HSPH1: variants seen among roughly 807,000 people sequenced by gnomAD.
HSPH1 encodes heat shock protein 105 kDa.
Under a neutral mutation model 100.0 loss-of-function variants are expected in HSPH1, and 40 were observed. The observed-to-expected ratio is 0.40, with a 90% CI of 0.31 to 0.52. The LOEUF is 0.52. Ranked by LOEUF, HSPH1 falls within the 20% of genes least tolerant of loss-of-function variation. The pLI is 0.54. For synonymous variants in HSPH1, 403 were observed against 344.0 expected (o/e 1.17, Z -1.90); for missense variants, 876 against 1,015.1 (o/e 0.86, Z 1.86).
rs1366063060 is a variant in HSPH1, at chr13:31,161,638, T to TG, written c.-57dup. 3 of 1,600,346 alleles carry TG rather than the reference T, an allele frequency of 1.9e-6. No homozygotes were observed. The highest frequency in any genetic ancestry group is 2.5e-6 in the Non-Finnish European group (3 of 1,177,794). ...TCTCGGTCTGCGTCCTCCGGCCCCC[T>TG]GCCTGCTTCTCCTGCCGCCGCTTTC... On this transcript the variant is annotated 5_prime_UTR_variant, in exon 1 of 18. Transcript: ENST00000320027.
At chr13:31,144,091 T>C (rs1956190579) in intron 11 of HSPH1, among the ~76,000 whole-genome samples, 168 bp from the exon 12 acceptor site, 2 of 152,314 alleles carry the variant, frequency 1.3e-5, no homozygotes, top group East Asian at 1.9e-4. Context: ...AAAACTTCTG[T>C]AGAAATTCTA....
Position 31,150,193 on chromosome 13 carries a change from A to G in HSPH1, c.909-11T>C. On this transcript the variant is annotated splice_polypyrimidine_tract_variant and intron_variant, in intron 7 of 17. Transcript: ENST00000320027. ...TCTTCAAATTGTGACCTTAGCAAAT[A>G]AAAACTTGTTTTTAGAAAAGTTAAG... The G allele has an allele frequency of 6.5e-7, 1 of 1,545,988 alleles. No individual in the cohort carries two copies. Among genetic ancestry groups the G allele is most frequent in the Non-Finnish European group, 8.7e-7 (1 of 1,143,404 alleles).
chr13:31,138,606 T>C (rs1194470684), intron 16 of HSPH1, 38 bp from the exon 17 acceptor site: 3 of 1,572,652 alleles, frequency 1.9e-6, no homozygotes, highest in Non-Finnish European at 2.6e-6. Context: ...TAGAATTTAT[T>C]GAACAATAGT....
In HSPH1 at chr13:31,161,814, G is replaced by T; in HGVS notation, c.-232C>A. 3 of 1,480,868 alleles carry T rather than the reference G, an allele frequency of 2.0e-6. No homozygotes were observed. The highest frequency in any genetic ancestry group is 2.7e-6 in the Non-Finnish European group (3 of 1,117,200). 91.7% of individuals were successfully genotyped at this position (1,480,868 alleles called of 1,614,324 possible). ...ATAAGAAACCCTGGGAGAAAGCGGGGCTCAGCCTCCGCAGGTCGCTCCGCA... is the reference window on the plus strand; with the variant it reads ...ATAAGAAACCCTGGGAGAAAGCGGGTCTCAGCCTCCGCAGGTCGCTCCGCA... On this transcript the variant is annotated 5_prime_UTR_variant, in exon 1 of 18. Coordinates refer to ENST00000320027, the MANE Select transcript of HSPH1 (RefSeq NM_006644.4).
chr13:31,141,280 AAG>A (rs1956079852), intron 12 of HSPH1, 21 bp from the exon 13 acceptor site: 4 of 1,569,230 alleles, frequency 2.5e-6, no homozygotes, highest in Non-Finnish European at 3.4e-6. Context: ...GGAATAAAAA[AAG>A]GAAAAAATTT....
Position 31,141,226 on chromosome 13 carries a change from C to T in HSPH1, c.1750G>A (p.Ala584Thr). ...ACCACCTTTATTTTGGGCTTTTTAG[C>T]TTCTGGAGGCTGGTCAACTTTTTTT... The part of the protein sequence containing the change: ...NEKKVDQPPE[A>T]KKPKIKVVNV... Residue 584 changes from alanine (A) to threonine (T), a missense_variant, in exon 13 of 18, where the codon GCT becomes ACT. By Grantham distance (58) the Ala-to-Thr change is moderately conservative. Transcript: ENST00000320027. 1 of 1,607,086 alleles carries T rather than the reference C, an allele frequency of 6.2e-7. No homozygotes were observed. The highest frequency in any genetic ancestry group is 8.5e-7 in the Non-Finnish European group (1 of 1,176,968).
intron 10 of HSPH1, among the ~76,000 whole-genome samples, chr13:31,146,005 T>C (rs1357882340): frequency 1.3e-5 from 2 of 152,052 alleles, no homozygotes; most frequent in Non-Finnish European, 2.9e-5. Context: ...CACAGTGGCA[T>C]GCGCCTGTAG....
chr13:31,145,721 A>G lies in HSPH1; in HGVS notation c.1426T>C (p.Ser476Pro), dbSNP rs1956243522. Residue 476 changes from serine to proline, a missense_variant, in exon 11 of 18, where the codon TCT becomes CCT. By Grantham distance (74) the Ser-to-Pro change is moderately conservative. Coordinates refer to ENST00000320027, the MANE Select transcript of HSPH1 (RefSeq NM_006644.4). ...ACTCGCACTTTGACTTTTACTCTAGATTTTTCTCCATCTTTCTGTGCAGAA... is the reference window on the plus strand; with the variant it reads ...ACTCGCACTTTGACTTTTACTCTAGGTTTTTCTCCATCTTTCTGTGCAGAA... ...NVSAQKDGEK[S>P]RVKVKVRVNT... is the part of the protein sequence containing the mutation. 1 of 1,613,578 alleles carries G rather than the reference A, an allele frequency of 6.2e-7. No individual in the cohort carries two copies. Among genetic ancestry groups the G allele is most frequent in the Non-Finnish European group, 8.5e-7 (1 of 1,179,718 alleles).
At chr13:31,144,677 C>T (rs1052712500) in intron 11 of HSPH1, among the ~76,000 whole-genome samples, 1 of 152,098 alleles carries the variant, frequency 6.6e-6, no homozygotes, top group Non-Finnish European at 1.5e-5. Flanking sequence ...ACACTGAACT[C>T]TCTCATATTT....
intron 1 of HSPH1, among the ~76,000 whole-genome samples, chr13:31,160,128 A>C (rs899302576): frequency 1.3e-5 from 2 of 152,212 alleles, no homozygotes; most frequent in African/African-American, 4.8e-5. Context: ...CCTGTATAAC[A>C]CAATTTTTTT....
In HSPH1 at chr13:31,141,277, A is replaced by T; in HGVS notation, c.1717-18T>A. On this transcript the variant is annotated intron_variant, in intron 12 of 17. Transcript: ENST00000320027. Reference sequence around the variant, plus strand: ...TCATTTGCCTTGGGAAGAGGAATAAAAAAAGGAAAAAATTTTAAACAACCC... The same window carrying T: ...TCATTTGCCTTGGGAAGAGGAATAATAAAAGGAAAAAATTTTAAACAACCC... 7 of 1,569,614 alleles carry T rather than the reference A, an allele frequency of 4.5e-6. No homozygotes were observed. Among genetic ancestry groups the T allele is most frequent in the Non-Finnish European group, 6.0e-6 (7 of 1,162,882 alleles).
rs1264695431 is a variant in HSPH1 at position 31,136,403 on chromosome 13, T to C, written c.*915A>G. 6.6e-6 allele frequency: 1 copy of C among 152,228 alleles called. No homozygotes were observed. Among genetic ancestry groups the C allele is most frequent in the African/African-American group, 2.4e-5 (1 of 41,460 alleles). 9.4% of individuals were successfully genotyped at this position (152,228 alleles called of 1,614,324 possible). On this transcript the variant is annotated 3_prime_UTR_variant, in exon 18 of 18. Transcript: ENST00000320027. ...ATAACGAAGTGTTAACAATGTTTTC[T>C]TCTGGGTGGCAAGATTTTAAGTTTT...
chr13:31,161,458 T>A lies in HSPH1; in HGVS notation c.107+18A>T, dbSNP rs1338288963. On this transcript the variant is annotated intron_variant, in intron 1 of 17. Transcript: ENST00000320027. ...GCCCAGAACCTCCTCCCATCCACCCTCGCAGACTCCCACTTACGGGGTGCA... is the reference window on the plus strand; with the variant it reads ...GCCCAGAACCTCCTCCCATCCACCCACGCAGACTCCCACTTACGGGGTGCA... 1.2e-6 allele frequency: 2 copies of A among 1,613,672 alleles called. No individual in the cohort carries two copies. Among genetic ancestry groups the A allele is most frequent in the African/African-American group, 1.3e-5 (1 of 75,008 alleles).
At chr13:31,158,075 C>A (rs1956762123) in intron 2 of HSPH1, among the ~76,000 whole-genome samples, 4 of 152,152 alleles carry the variant, frequency 2.6e-5, no homozygotes, top group Admixed American at 2.6e-4. Flanking sequence ...AAAAATTTCT[C>A]CCAGTCCTAC....
chr13:31,159,142 T>C (rs986086532), intron 1 of HSPH1, among the ~76,000 whole-genome samples: 3 of 152,158 alleles, frequency 2.0e-5, no homozygotes, highest in Non-Finnish European at 2.9e-5. Flanking sequence ...AACATTAACT[T>C]TGAAAATGTT....
At chr13:31,150,676 G>A (rs1330854483) in intron 7 of HSPH1, among the ~76,000 whole-genome samples, 1 of 152,166 alleles carries the variant, frequency 6.6e-6, no homozygotes, top group Non-Finnish European at 1.5e-5. Context: ...TTCAATTACT[G>A]GCCCAGAAAT....
upstream of HSPH1, chr13:31,162,104 AG>A (rs1250766778): frequency 6.5e-6 from 10 of 1,535,860 alleles, no homozygotes; most frequent in African/African-American, 1.4e-5. Context: ...TGGCAGCGAC[AG>A]GGCCGCTCCC....
intron 1 of HSPH1, among the ~76,000 whole-genome samples, chr13:31,160,844 A>G (rs1458465693): frequency 6.6e-6 from 1 of 152,242 alleles, no homozygotes; most frequent in Non-Finnish European, 1.5e-5. Flanking sequence ...CAACAATGTT[A>G]GCAACGAAGA....
At chr13:31,158,376 C>A (rs1281099026) in intron 2 of HSPH1, among the ~76,000 whole-genome samples, 1 of 151,872 alleles carries the variant, frequency 6.6e-6, no homozygotes, top group African/African-American at 2.4e-5. Flanking sequence ...TGGTGAAACC[C>A]CATCTCCACT....
Sources: gnomAD v4.1 joint callset for allele counts (sites outside exome capture counted in the v4.1 genomes callset) on GRCh38, gnomAD v4.1.1 for gene constraint, MANE v1.5 for transcripts, NCBI Gene and HGNC (gene_info 2026-07-23, HGNC 2026-07-21) for gene names.